PAIP2: variants seen among roughly 807,000 people sequenced by gnomAD.
PAIP2 encodes the protein polyadenylate-binding protein-interacting protein 2.
In PAIP2, 7 loss-of-function variants were observed where a neutral mutation model predicts 14.8. That is an observed-to-expected ratio of 0.47 (90% CI 0.27 to 0.89). The LOEUF (loss-of-function observed/expected upper bound fraction) is 0.89, where lower values mean the gene tolerates loss of function less well. Ranked by LOEUF, PAIP2 falls within the 40% of genes least tolerant of loss-of-function variation. PAIP2 has a pLI of 0.13. For missense variants in PAIP2, 122 were observed against 154.7 expected, an observed-to-expected ratio of 0.79 and a Z score of 1.12; for synonymous variants, 47 against 45.3, an observed-to-expected ratio of 1.04 and a Z score of -0.15.
chr5:139,363,821 A>G lies in PAIP2; in HGVS notation c.37A>G (p.Ile13Val), dbSNP rs1057506035. The change falls in exon 2 of 4, where the codon ATC becomes GTC. Residue 13 changes from isoleucine to valine, a missense_variant. Physicochemically the swap from Ile to Val is conservative, Grantham distance 29. Transcript: ENST00000265192. The part of the protein sequence containing the change: ...DPSRSSTSPS[I>V]INEDVIINGH... ...AAGTCGCAGCAGTACTAGCCCAAGC[A>G]TCATCAATGAAGATGTGATTATTAA... 6.2e-7 allele frequency: 1 copy of G among 1,614,206 alleles called. No individual in the cohort carries two copies.
At chr5:139,342,677 C>T (rs748328505) in intron 1 of PAIP2, 2 of 152,106 alleles carry the variant, frequency 1.3e-5, no homozygotes, top group Non-Finnish European at 2.9e-5. Flanking sequence ...GTCCTCTTAC[C>T]TTTTAATAAT....
chr5:139,349,926 C>T lies in PAIP2; in HGVS notation c.-27+7946C>T, dbSNP rs541604283. 2.7e-4 allele frequency among the ~76,000 whole-genome samples: 41 copies of T among 152,120 alleles called. 1 individual carries two copies. Among genetic ancestry groups the T allele is most frequent in the African/African-American group, 7.7e-4 (32 of 41,498 alleles). ...CTGAGGCAGGAGAATCACTTGAACG[C>T]GGGAGGCAGAGGTTACAGTGATCCG... On this transcript the variant is annotated intron_variant, in intron 1 of 3. Transcript: ENST00000265192.
chr5:139,343,275 A>G (rs1238474948), intron 1 of PAIP2: 1 of 152,220 alleles, frequency 6.6e-6, no homozygotes, highest in African/African-American at 2.4e-5. Context: ...CACACACAAA[A>G]TCACAGGATA....
intron 1 of PAIP2, among the ~76,000 whole-genome samples, chr5:139,362,955 A>C (rs946502657): frequency 2.0e-5 from 3 of 151,958 alleles, no homozygotes; most frequent in Non-Finnish European, 4.4e-5. Context: ...AAAACATTAG[A>C]TGTGGCCGGG....
chr5:139,367,807 A>T (rs946425766), intron 3 of PAIP2, among the ~76,000 whole-genome samples: 2 of 152,224 alleles, frequency 1.3e-5, no homozygotes, highest in Admixed American at 1.3e-4. Context: ...CGATTAACAG[A>T]ATTCCTTGTT....
At chr5:139,364,845 C>T (rs753646654) in intron 3 of PAIP2, 102 bp downstream of exon 3, 5 of 782,012 alleles carry the variant, frequency 6.4e-6, no homozygotes, top group Non-Finnish European at 1.0e-5. Context: ...CTTTCCCCTT[C>T]AGAAATTGTG....
At chr5:139,350,860 C>G (rs1451806077) in intron 1 of PAIP2, among the ~76,000 whole-genome samples, 2 of 151,950 alleles carry the variant, frequency 1.3e-5, no homozygotes, top group African/African-American at 4.8e-5. Flanking sequence ...TAGATTCAGA[C>G]AAATGGGAAT....
chr5:139,359,183 G>GGA lies in PAIP2; in HGVS notation c.-26-4572_-26-4571dup, dbSNP rs1435436444. Among the ~76,000 whole-genome samples, 3 of 151,998 alleles carry GGA rather than the reference G, an allele frequency of 2.0e-5. No homozygotes were observed. The East Asian group carries it at 5.8e-4, about 29-fold the overall frequency. On this transcript the variant is annotated intron_variant, in intron 1 of 3. Transcript: ENST00000265192. ...AGAGTCTTACTCTGTCTCCCAGGCT[G>GGA]GAGAGTGCAGTGGCGCGATCTTGGC...
chr5:139,352,169 GA>G (rs368205101), intron 1 of PAIP2, among the ~76,000 whole-genome samples: 94 of 131,804 alleles, frequency 7.1e-4, no homozygotes, highest in East Asian at 1.7e-3. Flanking sequence ...TCCAAAATCT[GA>G]AAAAAAAAAA....
chr5:139,342,253 G>A (rs1756401386), intron 1 of PAIP2, among the ~76,000 whole-genome samples: 1 of 151,984 alleles, frequency 6.6e-6, no homozygotes, highest in Admixed American at 6.6e-5. Context: ...CCTCAGTGGC[G>A]CGAGGGTTGC....
chr5:139,361,397 T>C (rs1221555111), intron 1 of PAIP2, among the ~76,000 whole-genome samples: 1 of 152,150 alleles, frequency 6.6e-6, no homozygotes, highest in African/African-American at 2.4e-5. Flanking sequence ...TTATGACAAA[T>C]GTGAGGTAAG....
chr5:139,346,991 A>G (rs957814471), intron 1 of PAIP2, among the ~76,000 whole-genome samples: 5 of 151,936 alleles, frequency 3.3e-5, no homozygotes, highest in Non-Finnish European at 7.4e-5. Context: ...TTGTATTACT[A>G]GAGATGGGGT....
intron 1 of PAIP2, among the ~76,000 whole-genome samples, chr5:139,352,699 G>T (rs1756783370): frequency 6.6e-6 from 1 of 150,916 alleles, no homozygotes. Context: ...TCAAACTCCT[G>T]ACCTCAGGTG....
intron 3 of PAIP2, 113 bp from the exon 4 acceptor site, chr5:139,368,620 C>T: frequency 1.4e-6 from 1 of 721,236 alleles, no homozygotes; most frequent in Non-Finnish European, 2.4e-6. Flanking sequence ...GTCTTACAGA[C>T]TGAGTTCTTT....
chr5:139,357,608 G>A (rs148631619), intron 1 of PAIP2, among the ~76,000 whole-genome samples: 2,574 of 152,148 alleles, frequency 0.017, 80 homozygotes, highest in African/African-American at 0.06. Flanking sequence ...TGAAGCGGGC[G>A]GATCACGAGG....
chr5:139,368,792 T>C lies in PAIP2; in HGVS notation c.378T>C (p.Asn126=). 4 of 1,610,748 alleles carry C rather than the reference T, an allele frequency of 2.5e-6. No homozygotes were observed. Among genetic ancestry groups the C allele is most frequent in the Non-Finnish European group, 3.4e-6 (4 of 1,177,032 alleles). The change falls in exon 4 of 4, where the codon AAT becomes AAC. Residue 126 remains asparagine, a synonymous_variant. Coordinates refer to ENST00000265192, the MANE Select transcript of PAIP2 (RefSeq NM_016480.5). Reference sequence around the variant, plus strand: ...TTGTTCCTGGGGTGAAGTACGGAAATATTTGAGTAGACGGGGCCCTCTTTT... The same window carrying C: ...TTGTTCCTGGGGTGAAGTACGGAAACATTTGAGTAGACGGGGCCCTCTTTT... ...KEFVPGVKYG[N]I is the part of the protein sequence containing the mutation.
chr5:139,361,307 C>T (rs982191430), intron 1 of PAIP2, among the ~76,000 whole-genome samples: 1 of 152,026 alleles, frequency 6.6e-6, no homozygotes, highest in South Asian at 2.1e-4. Flanking sequence ...TAGGGTTCAT[C>T]TTTTCCCTGA....
intron 1 of PAIP2, among the ~76,000 whole-genome samples, chr5:139,355,809 A>G (rs1375107049): frequency 6.6e-6 from 1 of 151,730 alleles, no homozygotes; most frequent in Non-Finnish European, 1.5e-5. Flanking sequence ...GTGAGCCAAG[A>G]TCAAGCCACT....
At chr5:139,347,483 G>A (rs1354994148) in intron 1 of PAIP2, among the ~76,000 whole-genome samples, 13 of 151,688 alleles carry the variant, frequency 8.6e-5, no homozygotes, top group East Asian at 1.9e-4. Context: ...CATATTGGCC[G>A]GGCTTTTCTA....
Sources: gnomAD v4.1 joint callset for allele counts (sites outside exome capture counted in the v4.1 genomes callset) on GRCh38, gnomAD v4.1.1 for gene constraint, MANE v1.5 for transcripts, NCBI Gene and HGNC (gene_info 2026-07-23, HGNC 2026-07-21) for gene names.